Variants in MGLL observed in about 807,000 individuals in gnomAD.
MGLL encodes lysophospholipase homolog.
MGLL carries 7 observed loss-of-function variants against 29.1 expected under a neutral mutation model. The ratio of observed to expected loss-of-function variants is 0.24; its 90% CI spans 0.14 to 0.45. MGLL has a LOEUF of 0.45. MGLL is among the 20% of genes least tolerant of loss of function. MGLL has a pLI of 0.99. For missense variants in MGLL, 356 were observed against 413.6 expected (o/e 0.86, Z 1.21); for synonymous variants, 148 against 168.3 (o/e 0.88, Z 0.93).
chr3:127,778,397 G>A (rs543760268), intron 3 of MGLL, among the ~76,000 whole-genome samples: 12 of 152,320 alleles, frequency 7.9e-5, no homozygotes, highest in Admixed American at 2.0e-4. Context: ...CTGGGGTCAC[G>A]CCCACCTGGG....
At chr3:127,743,277 G>A (rs2076379063) in intron 3 of MGLL, among the ~76,000 whole-genome samples, 1 of 152,120 alleles carries the variant, frequency 6.6e-6, no homozygotes, top group African/African-American at 2.4e-5. Context: ...TTGGAGAGAG[G>A]ATGCCAGCAT....
At chr3:127,798,197 C>A (rs2077417103) in intron 2 of MGLL, among the ~76,000 whole-genome samples, 1 of 152,208 alleles carries the variant, frequency 6.6e-6, no homozygotes, top group East Asian at 1.9e-4. Flanking sequence ...GAGCAACCCA[C>A]TGTCCAGAGT....
chr3:127,725,929 G>A (rs2076021404), intron 3 of MGLL, among the ~76,000 whole-genome samples: 3 of 151,644 alleles, frequency 2.0e-5, no homozygotes, highest in African/African-American at 7.3e-5. Context: ...AACAGAAACT[G>A]GACATTGGTG....
Position 127,691,912 on chromosome 3 carries a change from G to C in MGLL, c.*286C>G. On this transcript the variant is annotated 3_prime_UTR_variant, in exon 8 of 8. Transcript: ENST00000265052. ...GGGAGCTGGGAGAGGCAGGGCAGAG[G>C]CTTGGCTTTGTTTTCAGTGGACATT... 2 of 424,350 alleles carry C rather than the reference G, an allele frequency of 4.7e-6. No individual in the cohort carries two copies. The highest frequency in any genetic ancestry group is 8.6e-6 in the Non-Finnish European group (2 of 231,924). 26.3% of individuals were successfully genotyped at this position (424,350 alleles called of 1,614,324 possible). A position where few individuals can be genotyped will look rare whatever the true frequency, so the allele number is the denominator to read the frequency against.
chr3:127,710,877 G>C lies in MGLL; in HGVS notation c.511-212C>G, dbSNP rs1392953476. On this transcript the variant is annotated intron_variant, in intron 5 of 7. Coordinates refer to ENST00000265052, the MANE Select transcript of MGLL (RefSeq NM_007283.7). Reference sequence around the variant, plus strand: ...TCAGCCTGGCTCTGCTCCACCTTGGGGGAGCTGGCCAGGCAGCCGCTGCGC... The same window carrying C: ...TCAGCCTGGCTCTGCTCCACCTTGGCGGAGCTGGCCAGGCAGCCGCTGCGC... 5 of 595,020 alleles carry C rather than the reference G, an allele frequency of 8.4e-6. No individual in the cohort carries two copies. In the Admixed American group the frequency reaches 1.3e-4, roughly 15 times the overall value. 36.9% of individuals were successfully genotyped at this position (595,020 alleles called of 1,614,324 possible). A position where few individuals can be genotyped will look rare whatever the true frequency, so the allele number is the denominator to read the frequency against.
At position 127,710,672 on chromosome 3, in the gene MGLL, G is replaced by A. The variant is rs979916559; in HGVS notation, c.511-7C>T. 2.9e-5 allele frequency: 45 copies of A among 1,561,334 alleles called. No individual in the cohort carries two copies. The Admixed American group carries it at 3.5e-4, about 12-fold the overall frequency. The stretch of plus-strand genomic sequence containing the variant: ...GCACTTTCGCAGCAAGGACCTAGCC[G>A]GGGAGGGAAAACAAGGGCTGTGAGC... On this transcript the variant is annotated splice_polypyrimidine_tract_variant and splice_region_variant and intron_variant, in intron 5 of 7. Transcript: ENST00000265052.
chr3:127,696,374 C>G (rs72971397), intron 6 of MGLL, among the ~76,000 whole-genome samples: 91 of 133,784 alleles, frequency 6.8e-4, no homozygotes, highest in African/African-American at 2.4e-3. Context: ...CCATAGAGGG[C>G]AGGAGTGAGC....
At chr3:127,782,931 A>G (rs773304772) in intron 2 of MGLL, among the ~76,000 whole-genome samples, 6 of 152,100 alleles carry the variant, frequency 3.9e-5, no homozygotes, top group Non-Finnish European at 8.8e-5. Flanking sequence ...GCTCACACCT[A>G]TAATCCCAGC....
chr3:127,815,156 G>A (rs2077732073), intron 2 of MGLL, among the ~76,000 whole-genome samples: 1 of 152,154 alleles, frequency 6.6e-6, no homozygotes, highest in Non-Finnish European at 1.5e-5. Context: ...TGTAACTGGT[G>A]ACGTCTGAAA....
chr3:127,735,647 G>A, intron 3 of MGLL: 1 of 1,507,818 alleles, frequency 6.6e-7, no homozygotes, highest in Non-Finnish European at 8.9e-7. Flanking sequence ...GTTACCTCCA[G>A]TCACCTCCTG....
At chr3:127,692,389 G>A (rs1184112670) in intron 7 of MGLL, 66 bp from the exon 8 acceptor site, 31 of 1,591,242 alleles carry the variant, frequency 1.9e-5, no homozygotes, top group East Asian at 1.1e-4. Flanking sequence ...AGCGGAGACC[G>A]TGGGCAGTGG....
In MGLL at chr3:127,783,449, C is replaced by T. The variant is rs1402715273; in HGVS notation, c.156-1554G>A. Among the ~76,000 whole-genome samples, 4 of 152,286 alleles carry T rather than the reference C, an allele frequency of 2.6e-5. No individual in the cohort carries two copies. The East Asian group carries it at 7.7e-4, about 29-fold the overall frequency. ...CCTGATGCCCCCACCTTGACATCAG[C>T]CCACAACCTTCTGAGGACTGGACCC... On this transcript the variant is annotated intron_variant, in intron 2 of 7. Coordinates refer to ENST00000265052, the MANE Select transcript of MGLL (RefSeq NM_007283.7).
chr3:127,819,750 G>C (rs1004829800), intron 2 of MGLL, among the ~76,000 whole-genome samples: 1 of 152,126 alleles, frequency 6.6e-6, no homozygotes, highest in African/African-American at 2.4e-5. Flanking sequence ...CCCAGATCAT[G>C]CAAGAGGGCA....
intron 6 of MGLL, 144 bp downstream of exon 6, chr3:127,710,432 G>T: frequency 1.3e-6 from 1 of 789,792 alleles, no homozygotes; most frequent in Non-Finnish European, 2.1e-6. Context: ...AGCCAACCAT[G>T]TCTAATGCAC....
chr3:127,706,707 T>C lies in MGLL; in HGVS notation c.600+3869A>G, dbSNP rs541350530. 1.3e-3 allele frequency among the ~76,000 whole-genome samples: 196 copies of C among 152,302 alleles called. 1 individual carries two copies. The highest frequency in any genetic ancestry group is 4.6e-3 in the African/African-American group (193 of 41,566). On this transcript the variant is annotated intron_variant, in intron 6 of 7. Coordinates refer to ENST00000265052, the MANE Select transcript of MGLL (RefSeq NM_007283.7). ...CTGTCTCAAATAGACAAGTATATGC[T>C]GTGGGGAATGTAAGTGATGAACGAT...
chr3:127,695,180 T>C lies in MGLL; in HGVS notation c.611A>G (p.Tyr204Cys). ...LSRNKTEVDIYNSDPLICRAG... is the reference protein window; with the variant it reads ...LSRNKTEVDICNSDPLICRAG... ...CCGGCAGATCAGGGGGTCTGAGTTA[T>C]AAATGTCGACCTGGAGGAAGAAGGA... Residue 204 changes from tyrosine to cysteine, a missense_variant, in exon 7 of 8, where the codon TAT (tyrosine) becomes TGT (cysteine). Transcript: ENST00000265052. The C allele has an allele frequency of 6.2e-7, 1 of 1,613,956 alleles. No homozygotes were observed. Among genetic ancestry groups the C allele is most frequent in the Non-Finnish European group, 8.5e-7 (1 of 1,179,958 alleles).
intron 3 of MGLL, among the ~76,000 whole-genome samples, chr3:127,740,453 C>T (rs182030366): frequency 9.9e-4 from 150 of 152,064 alleles, no homozygotes; most frequent in Admixed American, 4.6e-3. Context: ...TTTAAAAAGT[C>T]TGAGTGGACT....
At chr3:127,794,543 T>C (rs1310378753) in intron 2 of MGLL, among the ~76,000 whole-genome samples, 1 of 141,384 alleles carries the variant, frequency 7.1e-6, no homozygotes, top group Non-Finnish European at 1.5e-5. Context: ...TCTTCTGTGA[T>C]GTAAGGCTGT....
chr3:127,805,785 G>T (rs552813356), intron 2 of MGLL, among the ~76,000 whole-genome samples: 1 of 152,346 alleles, frequency 6.6e-6, no homozygotes, highest in East Asian at 1.9e-4. Flanking sequence ...CAAGAATGAG[G>T]CCAGGCATCT....
Sources: allele counts gnomAD v4.1 joint callset (sites outside exome capture counted in the v4.1 genomes callset), GRCh38; gene constraint gnomAD v4.1.1; transcripts MANE v1.5; gene names NCBI Gene and HGNC (gene_info 2026-07-23, HGNC 2026-07-21).